RHOH: variants seen among roughly 807,000 people sequenced by gnomAD.
The protein encoded by RHOH is ras homolog family member H.
A neutral mutation model predicts 13.8 loss-of-function variants in RHOH; 6 were observed. That is an observed-to-expected ratio of 0.44 (90% CI 0.24 to 0.86). The LOEUF (loss-of-function observed/expected upper bound fraction) is 0.86. RHOH is among the 40% of genes least tolerant of loss of function. The pLI is 0.24. For missense variants in RHOH, 147 were observed against 244.5 expected (o/e 0.60, Z 2.66); for synonymous variants, 117 against 103.0 (o/e 1.14, Z -0.82).
chr4:40,243,012 C>A lies in RHOH; in HGVS notation c.-209-166C>A. 1 of 190,314 alleles carries A rather than the reference C, an allele frequency of 5.3e-6. No homozygotes were observed. Among genetic ancestry groups the A allele is most frequent in the East Asian group, 1.0e-4 (1 of 9,834 alleles). The allele number at this position is 190,314 out of a possible 1,614,324, so 11.8% of individuals were successfully genotyped here. ...GTGTGTGTGTTGGGGGAAGACAGATCTAAGCTCTCCCTGTGAGGGGAAGAG... is the reference window on the plus strand; with the variant it reads ...GTGTGTGTGTTGGGGGAAGACAGATATAAGCTCTCCCTGTGAGGGGAAGAG... On this transcript the variant is annotated intron_variant, in intron 2 of 2. Coordinates refer to ENST00000381799, the MANE Select transcript of RHOH (RefSeq NM_004310.5). This position sits in a 1 kb window ranked among gnomAD's most constrained non-coding sequence, Gnocchi z 6.2.
At chr4:40,202,118 CT>C (rs887339710) in intron 1 of RHOH, among the ~76,000 whole-genome samples, 11 of 150,870 alleles carry the variant, frequency 7.3e-5, no homozygotes, top group East Asian at 3.9e-4. Flanking sequence ...ACTTGGCTAA[CT>C]TTTTTTTTGT....
intron 1 of RHOH, among the ~76,000 whole-genome samples, chr4:40,210,696 G>C (rs1438963864): frequency 6.6e-6 from 1 of 152,198 alleles, no homozygotes; most frequent in Non-Finnish European, 1.5e-5. Context: ...GGTTGTGGTG[G>C]GGCGTAGATG....
upstream of RHOH, chr4:40,193,553 AAGAG>A (rs1435446190): frequency 1.4e-5 from 2 of 138,632 alleles, no homozygotes; most frequent in African/African-American, 2.7e-5. Flanking sequence ...GGGAGAGAGA[AAGAG>A]AGAAACACCA....
intron 1 of RHOH, among the ~76,000 whole-genome samples, chr4:40,239,588 T>C (rs1729002804): frequency 6.6e-6 from 1 of 152,216 alleles, no homozygotes; most frequent in Non-Finnish European, 1.5e-5. Context: ...CTAAGAATTT[T>C]GCACTCTAGG....
chr4:40,195,350 TTC>T (rs1723006875), upstream of RHOH, among the ~76,000 whole-genome samples: 1 of 143,416 alleles, frequency 7.0e-6, no homozygotes, highest in African/African-American at 2.6e-5. Context: ...TTTCCTTTCT[TTC>T]TTTTCCTTCC....
At position 40,243,974 on chromosome 4, in the gene RHOH, C is replaced by T. The variant is rs1334842441; in HGVS notation, c.*12C>T. The T allele has an allele frequency of 6.3e-7, 1 of 1,595,392 alleles. No individual in the cohort carries two copies. Among genetic ancestry groups the T allele is most frequent in the East Asian group, 2.2e-5 (1 of 44,654 alleles). Reference sequence around the variant, plus strand: ...GCAAGATCTTCTAAACCCCAAGAGACTTCACACAACACTTATGTATGCACC... The same window carrying T: ...GCAAGATCTTCTAAACCCCAAGAGATTTCACACAACACTTATGTATGCACC... On this transcript the variant is annotated 3_prime_UTR_variant, in exon 3 of 3. Transcript: ENST00000381799. This position sits in a 1 kb window ranked among gnomAD's most constrained non-coding sequence, Gnocchi z 6.2.
At chr4:40,194,937 C>T (rs1722972755), upstream of RHOH, among the ~76,000 whole-genome samples, 1 of 152,144 alleles carries the variant, frequency 6.6e-6, no homozygotes. Context: ...ATCCAGGGGG[C>T]AAAGTTTCTC....
intron 1 of RHOH, among the ~76,000 whole-genome samples, chr4:40,216,416 C>A (rs370741996): frequency 2.0e-5 from 3 of 152,082 alleles, no homozygotes; most frequent in African/African-American, 7.2e-5. Flanking sequence ...TGGCAGTAAG[C>A]CGAGATCGCA....
intron 1 of RHOH, among the ~76,000 whole-genome samples, chr4:40,225,929 C>A (rs73146092): frequency 2.6e-5 from 4 of 152,274 alleles, no homozygotes; most frequent in African/African-American, 9.6e-5. Context: ...TACTTTACTT[C>A]TCTGTGCCCT....
At chr4:40,195,416 TCCCTCC>T (rs1723044295), upstream of RHOH, among the ~76,000 whole-genome samples, 1 of 139,344 alleles carries the variant, frequency 7.2e-6, no homozygotes, top group Admixed American at 7.3e-5. Context: ...CTTCCTTCCT[TCCCTCC>T]CCTTCTCTTC....
intron 1 of RHOH, among the ~76,000 whole-genome samples, chr4:40,229,379 T>C (rs1357794868): frequency 6.6e-6 from 1 of 152,160 alleles, no homozygotes; most frequent in African/African-American, 2.4e-5. Flanking sequence ...CTCACACCTG[T>C]AATCCCAACA....
intron 1 of RHOH, among the ~76,000 whole-genome samples, chr4:40,211,432 A>G (rs1725258787): frequency 6.6e-6 from 1 of 151,936 alleles, no homozygotes; most frequent in South Asian, 2.1e-4. Context: ...TGCCTGGCTA[A>G]TTTTTTTGTT....
intron 1 of RHOH, among the ~76,000 whole-genome samples, chr4:40,207,889 C>T (rs1724837620): frequency 1.3e-5 from 2 of 152,156 alleles, no homozygotes; most frequent in Admixed American, 1.3e-4. Flanking sequence ...TTGCTTGAAC[C>T]CAGGAGGCGG....
intron 1 of RHOH, among the ~76,000 whole-genome samples, chr4:40,235,697 A>G (rs139191453): frequency 3.1e-4 from 47 of 150,184 alleles, no homozygotes; most frequent in African/African-American, 9.5e-4. Flanking sequence ...GGTACAACCT[A>G]GGGCAGTAGC....
At chr4:40,227,719 A>G (rs1727420731) in intron 1 of RHOH, among the ~76,000 whole-genome samples, 1 of 152,198 alleles carries the variant, frequency 6.6e-6, no homozygotes, top group Non-Finnish European at 1.5e-5. Flanking sequence ...CTCTAAAAGG[A>G]TTTTAAAAGT....
chr4:40,206,059 A>G (rs1394577447), intron 1 of RHOH, among the ~76,000 whole-genome samples: 4 of 152,232 alleles, frequency 2.6e-5, no homozygotes, highest in African/African-American at 9.6e-5. Context: ...CAAATATTCC[A>G]TGTACACCAA....
At chr4:40,238,181 T>C (rs1560285359) in intron 1 of RHOH, among the ~76,000 whole-genome samples, 1 of 146,726 alleles carries the variant, frequency 6.8e-6, no homozygotes, top group Non-Finnish European at 1.5e-5. Flanking sequence ...AGGGGGCATC[T>C]GATCTGGCGG....
chr4:40,221,809 T>TG (rs1366732745), intron 1 of RHOH, among the ~76,000 whole-genome samples: 1 of 152,214 alleles, frequency 6.6e-6, no homozygotes, highest in Non-Finnish European at 1.5e-5. Flanking sequence ...TTAAGTTTAA[T>TG]GAGGAAGGCA....
intron 1 of RHOH, among the ~76,000 whole-genome samples, chr4:40,230,322 G>A (rs1727767334): frequency 6.6e-6 from 1 of 151,678 alleles, no homozygotes; most frequent in African/African-American, 2.4e-5. Flanking sequence ...ACAGGTGTGA[G>A]TCATGGCACC....
Sources: gnomAD v4.1 joint callset for allele counts (sites outside exome capture counted in the v4.1 genomes callset) on GRCh38, gnomAD v4.1.1 for gene constraint, Gnocchi (gnomAD v3.1) non-coding constraint, MANE v1.5 for transcripts, NCBI Gene and HGNC (gene_info 2026-07-23, HGNC 2026-07-21) for gene names.